The following AQP1 variants were observed in gnomAD, a reference collection of about 807,000 sequenced individuals.
AQP1 encodes aquaporin 1 (Colton blood group).
Under a neutral mutation model 19.7 loss-of-function variants are expected in AQP1, and 11 were observed. That is an observed-to-expected ratio of 0.56 (90% CI 0.35 to 0.92). AQP1 has a LOEUF of 0.92. Ranked by LOEUF, AQP1 falls within the 40% of genes least tolerant of loss-of-function variation. The pLI, the probability that AQP1 is intolerant of heterozygous loss-of-function variation, is 0.01. For missense variants in AQP1, 320 were observed against 369.7 expected (o/e 0.87, Z 1.10); for synonymous variants, 159 against 166.7 (o/e 0.95, Z 0.36).
Position 30,914,320 on chromosome 7 carries a change from G to A in AQP1, c.384+2027G>A, listed in dbSNP as rs77143497. On this transcript the variant is annotated intron_variant, in intron 1 of 3. Coordinates refer to ENST00000311813, the MANE Select transcript of AQP1 (RefSeq NM_198098.4). ...ACTTGTTGAGCTTCTTTGGAGCTGC[G>A]GACCCTGACCCTCGAGAGGGAACTC... Among the ~76,000 whole-genome samples the A allele has an allele frequency of 3.1e-4, 47 of 152,272 alleles. 1 individual carries two copies. The East Asian group carries it at 7.3e-3, about 24-fold the overall frequency.
chr7:30,922,985 C>T lies in AQP1; in HGVS notation c.630+341C>T, dbSNP rs537781359. Among the ~76,000 whole-genome samples the T allele has an allele frequency of 3.9e-4, 60 of 152,334 alleles. No individual in the cohort carries two copies. The East Asian group carries it at 7.9e-3, about 20-fold the overall frequency. Reference sequence around the variant, plus strand: ...GCTTGAGCTTTGGTTTCCTGAGCTGCGGAGGGGGATATGGTGGTGCCCACC... The same window carrying T: ...GCTTGAGCTTTGGTTTCCTGAGCTGTGGAGGGGGATATGGTGGTGCCCACC... On this transcript the variant is annotated intron_variant, in intron 3 of 3. Transcript: ENST00000311813.
intron 1 of AQP1, among the ~76,000 whole-genome samples, chr7:30,915,375 T>C (rs28362707): frequency 8.6e-5 from 13 of 151,988 alleles, no homozygotes; most frequent in African/African-American, 2.9e-4. Context: ...CGGGAACTTT[T>C]GAACTTAAGG....
intron 1 of AQP1, chr7:30,921,666 C>T: frequency 6.4e-7 from 1 of 1,551,014 alleles, no homozygotes; most frequent in Non-Finnish European, 8.7e-7. Flanking sequence ...CACCTTTTTG[C>T]ATCTCTTCTC....
intron 1 of AQP1, chr7:30,921,291 T>G (rs1236442091): frequency 2.3e-6 from 3 of 1,284,156 alleles, no homozygotes; most frequent in African/African-American, 3.0e-5. Flanking sequence ...TTTCCATGAG[T>G]CATGTTTCTA....
Position 30,921,447 on chromosome 7 carries a change from C to T in AQP1, c.385-619C>T, listed in dbSNP as rs563326561. 10 of 1,448,086 alleles carry T rather than the reference C, an allele frequency of 6.9e-6. No homozygotes were observed. The African/African-American group carries it at 1.3e-4, about 19-fold the overall frequency. The allele number at this position is 1,448,086 out of a possible 1,614,324, so 89.7% of individuals were successfully genotyped here. A position where few individuals can be genotyped will look rare whatever the true frequency, so the allele number is the denominator to read the frequency against. On this transcript the variant is annotated intron_variant, in intron 1 of 3. Coordinates refer to ENST00000311813, the MANE Select transcript of AQP1 (RefSeq NM_198098.4). ...GGGCAGGGCCAGAAGCAATGGGAGA[C>T]AGGCCTTGGACCAAGGAAAGAGACG...
In AQP1 at chr7:30,911,885, G is replaced by A; in HGVS notation, c.-25G>A. ...AGAGGGAATTGAGCACCCGGCAGCG[G>A]TCTCAGGCCAAGCCCCCTGCCAGCA... On this transcript the variant is annotated 5_prime_UTR_variant, in exon 1 of 4. Coordinates refer to ENST00000311813, the MANE Select transcript of AQP1 (RefSeq NM_198098.4). The A allele has an allele frequency of 6.2e-7, 1 of 1,612,486 alleles. No individual in the cohort carries two copies.
chr7:30,923,644 G>A lies in AQP1; in HGVS notation c.*15G>A, dbSNP rs770424088. ...AGCCCAAATAGAAGGGGTCTGGCCC[G>A]GGCATCCACGTAGGGGGCAGGGGCA... On this transcript the variant is annotated 3_prime_UTR_variant, in exon 4 of 4. Coordinates refer to ENST00000311813, the MANE Select transcript of AQP1 (RefSeq NM_198098.4). The surrounding 1 kb of genome is among the most constrained non-coding windows in gnomAD (Gnocchi z 4.8). 2.2e-5 allele frequency: 34 copies of A among 1,563,652 alleles called. No homozygotes were observed. The highest frequency in any genetic ancestry group is 5.6e-5 in the South Asian group (5 of 88,726).
In AQP1 at chr7:30,923,796, CTTTCTT is replaced by C. The variant is rs1169445967; in HGVS notation, c.*169_*174del. 6.6e-7 allele frequency: 1 copy of C among 1,513,132 alleles called. No homozygotes were observed. The highest frequency in any genetic ancestry group is 8.9e-7 in the Non-Finnish European group (1 of 1,129,708). The allele number at this position is 1,513,132 out of a possible 1,614,324, so 93.7% of individuals were successfully genotyped here. ...GCCTCTTATGGGGGTGTTTCTATCTCTTTCTTTCTCTTTCTGTTTCCTGGCCTCAGA... is the reference window on the plus strand; with the variant it reads ...GCCTCTTATGGGGGTGTTTCTATCTCTCTCTTTCTGTTTCCTGGCCTCAGA... On this transcript the variant is annotated 3_prime_UTR_variant, in exon 4 of 4. Transcript: ENST00000311813. The surrounding 1 kb of genome is among the most constrained non-coding windows in gnomAD (Gnocchi z 4.8).
At chr7:30,921,937 G>A (rs747056586) in intron 1 of AQP1, 129 bp from the exon 2 acceptor site, 560 of 1,555,160 alleles carry the variant, frequency 3.6e-4, no homozygotes, top group Non-Finnish European at 4.7e-4. Flanking sequence ...CCCTGTGATG[G>A]GCTCTGAAGG....
At chr7:30,914,564 A>C (rs934754068) in intron 1 of AQP1, among the ~76,000 whole-genome samples, 6 of 152,100 alleles carry the variant, frequency 3.9e-5, no homozygotes, top group Non-Finnish European at 5.9e-5. Flanking sequence ...TAGAGAAGGT[A>C]CCCCTCTAAG....
chr7:30,914,377 A>G (rs1327775208), intron 1 of AQP1, among the ~76,000 whole-genome samples: 1 of 152,218 alleles, frequency 6.6e-6, no homozygotes, highest in Non-Finnish European at 1.5e-5. Flanking sequence ...ACACCCAGAC[A>G]GCCAGCTCAC....
In AQP1 at chr7:30,912,323, G is replaced by T. The variant is rs746961741; in HGVS notation, c.384+30G>T. 1 of 1,592,412 alleles carries T rather than the reference G, an allele frequency of 6.3e-7. No homozygotes were observed. The highest frequency in any genetic ancestry group is 1.7e-5 in the Admixed American group (1 of 59,860). On this transcript the variant is annotated intron_variant, in intron 1 of 3. Transcript: ENST00000311813. This position sits in a 1 kb window ranked among gnomAD's most constrained non-coding sequence, Gnocchi z 4.3. ...GTGGGGTGTCCCTGGGCTTGGGGGG[G>T]TTCTAGAATGATGCTGAAAGGCACT...
At chr7:30,917,681 G>A (rs1396028371) in intron 1 of AQP1, among the ~76,000 whole-genome samples, 4 of 152,152 alleles carry the variant, frequency 2.6e-5, no homozygotes, top group Admixed American at 6.5e-5. Context: ...CAGGGAGGCC[G>A]AGGCACTTGG....
chr7:30,921,506 T>A, intron 1 of AQP1: 1 of 1,500,330 alleles, frequency 6.7e-7, no homozygotes, highest in Non-Finnish European at 8.9e-7. Context: ...GTGGAGACAA[T>A]AGGGAGGCAG....
At position 30,911,870 on chromosome 7, in the gene AQP1, G is replaced by A. The variant is rs1353951578; in HGVS notation, c.-40G>A. Reference sequence around the variant, plus strand: ...TGTGGCTCAGCTCTCAGAGGGAATTGAGCACCCGGCAGCGGTCTCAGGCCA... The same window carrying A: ...TGTGGCTCAGCTCTCAGAGGGAATTAAGCACCCGGCAGCGGTCTCAGGCCA... On this transcript the variant is annotated 5_prime_UTR_variant, in exon 1 of 4. Coordinates refer to ENST00000311813, the MANE Select transcript of AQP1 (RefSeq NM_198098.4). The A allele has an allele frequency of 1.1e-5, 18 of 1,611,470 alleles. No individual in the cohort carries two copies. The highest frequency in any genetic ancestry group is 1.8e-4 in the Middle Eastern group (1 of 5,610).
chr7:30,911,997 G>C lies in AQP1; in HGVS notation c.88G>C (p.Gly30Arg). ...ATTLFVFISI[G>R]SALGFKYPVG... ...GACCCTCTTTGTCTTCATCAGCATC[G>C]GTTCTGCCCTGGGCTTCAAATACCC... is the stretch of plus-strand genomic sequence containing the variant. Residue 30 changes from glycine (G) to arginine (R), a missense_variant, in exon 1 of 4, where the codon GGT becomes CGT. Gly to Arg is a moderately radical substitution (Grantham distance 125). Coordinates refer to ENST00000311813, the MANE Select transcript of AQP1 (RefSeq NM_198098.4). 2 of 1,613,612 alleles carry C rather than the reference G, an allele frequency of 1.2e-6. No individual in the cohort carries two copies.
At chr7:30,922,475 C>T in intron 2 of AQP1, 89 bp from the exon 3 acceptor site, 1 of 1,413,576 alleles carries the variant, frequency 7.1e-7, no homozygotes. Context: ...TGATTGTTCT[C>T]TTTCTCCCTC....
At chr7:30,921,569 TC>T (rs1401459463) in intron 1 of AQP1, 2 of 1,546,696 alleles carry the variant, frequency 1.3e-6, no homozygotes, top group South Asian at 2.4e-5. Context: ...GAAGGCCTCC[TC>T]AGCCCTGGAA....
At chr7:30,922,720 C>A (rs536334906) in intron 3 of AQP1, 76 bp downstream of exon 3, 1 of 1,412,986 alleles carries the variant, frequency 7.1e-7, no homozygotes, top group East Asian at 2.3e-5. Context: ...CACAGTGTCC[C>A]TTCCTGTTCT....
Sources: allele counts gnomAD v4.1 joint callset (sites outside exome capture counted in the v4.1 genomes callset), GRCh38; gene constraint gnomAD v4.1.1; non-coding constraint Gnocchi (gnomAD v3.1); transcripts MANE v1.5; gene names NCBI Gene and HGNC (gene_info 2026-07-23, HGNC 2026-07-21).